The following NME9 variants were observed in gnomAD, a reference collection of about 807,000 sequenced individuals.
NME9 encodes the protein thioredoxin domain-containing protein 6.
Under a neutral mutation model 44.4 loss-of-function variants are expected in NME9, and 48 were observed. That is an observed-to-expected ratio of 1.08 (90% confidence interval 0.86 to 1.37). The LOEUF (loss-of-function observed/expected upper bound fraction) is 1.37, where lower values mean the gene tolerates loss of function less well. Ranked by LOEUF, NME9 falls within the 40% of genes most tolerant of loss-of-function variation. The pLI is 0.00. For synonymous variants in NME9, 139 were observed against 147.1 expected (o/e 0.94, Z 0.40); for missense variants, 325 against 405.2 (o/e 0.80, Z 1.70).
At chr3:138,294,551 A>C (rs2051286486) in intron 8 of NME9, among the ~76,000 whole-genome samples, 1 of 152,218 alleles carries the variant, frequency 6.6e-6, no homozygotes, top group Non-Finnish European at 1.5e-5. Context: ...GCAAGAATAC[A>C]CCTTAGTATA....
At chr3:138,284,150 G>C (rs1460922704) in intron 8 of NME9, among the ~76,000 whole-genome samples, 4 of 152,196 alleles carry the variant, frequency 2.6e-5, no homozygotes, top group African/African-American at 9.6e-5. Flanking sequence ...TGATTTGATA[G>C]TATGACCTAT....
chr3:138,301,560 A>T lies in NME9; in HGVS notation c.*80T>A. 1 of 1,518,648 alleles carries T rather than the reference A, an allele frequency of 6.6e-7. No homozygotes were observed. Among genetic ancestry groups the T allele is most frequent in the Non-Finnish European group, 8.8e-7 (1 of 1,139,484 alleles). 94.1% of individuals were successfully genotyped at this position (1,518,648 alleles called of 1,614,324 possible). On this transcript the variant is annotated 3_prime_UTR_variant, in exon 11 of 11. Transcript: ENST00000333911. ...TAAACCAAAAAGTATTGGTACTCAA[A>T]AGAGTAAGTTCCGATTCCGGAGGTC... is the stretch of plus-strand genomic sequence containing the variant.
intron 8 of NME9, among the ~76,000 whole-genome samples, chr3:138,295,078 T>G (rs1454402859): frequency 6.6e-6 from 1 of 152,122 alleles, no homozygotes; most frequent in Non-Finnish European, 1.5e-5. Context: ...TTTGTATTTT[T>G]GGTAGAAACA....
At chr3:138,274,680 A>T in intron 8 of NME9, 2 of 641,208 alleles carry the variant, frequency 3.1e-6, no homozygotes, top group Non-Finnish European at 2.7e-6. Context: ...AGGAAGAAAT[A>T]TCTTCCACCA....
At chr3:138,324,612 G>A in intron 2 of NME9, 1 of 575,214 alleles carries the variant, frequency 1.7e-6, no homozygotes, top group East Asian at 4.0e-5. Flanking sequence ...AATTAGAAGA[G>A]GTTTTCTGTT....
chr3:138,269,820 CTTTT>C (rs77095833), intron 8 of NME9, among the ~76,000 whole-genome samples: 5 of 121,694 alleles, frequency 4.1e-5, no homozygotes, highest in Non-Finnish European at 8.5e-5. Context: ...TGTTTTCTTT[CTTTT>C]TTTTTTTTTT....
intron 6 of NME9, among the ~76,000 whole-genome samples, chr3:138,312,415 A>G (rs2052763177): frequency 6.6e-6 from 1 of 152,190 alleles, no homozygotes; most frequent in African/African-American, 2.4e-5. Context: ...TAGCATAAAA[A>G]CAGACACAGA....
At chr3:138,298,238 A>T (rs1266769405), downstream of NME9, 1 of 152,220 alleles carries the variant, frequency 6.6e-6, no homozygotes, top group Non-Finnish European at 1.5e-5. Context: ...AAAATTTATG[A>T]ACTAGAAAAG....
chr3:138,303,017 G>C (rs568413443), intron 10 of NME9, among the ~76,000 whole-genome samples: 2 of 152,332 alleles, frequency 1.3e-5, no homozygotes, highest in East Asian at 3.9e-4. Flanking sequence ...TGAAGGGAAG[G>C]TCCTAAACAA....
chr3:138,274,633 G>T, intron 8 of NME9: 1 of 941,472 alleles, frequency 1.1e-6, no homozygotes, highest in Non-Finnish European at 1.7e-6. Flanking sequence ...CAAATCTGCA[G>T]AAGACAGAGT....
At chr3:138,304,818 C>T in intron 9 of NME9, 55 bp downstream of exon 9, 2 of 1,558,924 alleles carry the variant, frequency 1.3e-6, no homozygotes, top group Admixed American at 1.7e-5. Flanking sequence ...TGGGACTCAG[C>T]CTCCTGGGAT....
rs1184586941 is a variant in NME9, at chr3:138,329,283, T to C, written c.33+20A>G. The stretch of plus-strand genomic sequence containing the variant: ...CCGAGCCCAACCCAGAGCTGGAAGC[T>C]AGCGCCCCTTGAGGCTTACCTGCAG... On this transcript the variant is annotated intron_variant, in intron 1 of 10. Transcript: ENST00000333911. 8 of 1,534,506 alleles carry C rather than the reference T, an allele frequency of 5.2e-6. No homozygotes were observed. The highest frequency in any genetic ancestry group is 1.4e-5 in the African/African-American group (1 of 73,016).
intron 4 of NME9, 31 bp downstream of exon 4, chr3:138,318,117 C>A: frequency 7.4e-7 from 1 of 1,351,926 alleles, no homozygotes; most frequent in Non-Finnish European, 1.1e-6. Context: ...TTGCAATCGT[C>A]AAATAGTTCT....
intron 8 of NME9, among the ~76,000 whole-genome samples, chr3:138,287,418 G>A (rs1041698750): frequency 6.6e-6 from 1 of 152,036 alleles, no homozygotes; most frequent in Non-Finnish European, 1.5e-5. Flanking sequence ...GATCTGTTTT[G>A]TGCATTCCAC....
intron 4 of NME9, among the ~76,000 whole-genome samples, chr3:138,317,528 C>G (rs114774208): frequency 6.6e-6 from 1 of 152,168 alleles, no homozygotes; most frequent in Non-Finnish European, 1.5e-5. Flanking sequence ...GATGTCACAC[C>G]CAAGGACATC....
chr3:138,290,661 C>G (rs544831170), intron 8 of NME9: 3 of 1,528,850 alleles, frequency 2.0e-6, no homozygotes, highest in Non-Finnish European at 2.7e-6. Flanking sequence ...TGTGAAAAGG[C>G]CTTGCTTTGG....
intron 10 of NME9, chr3:138,303,248 G>T: frequency 2.8e-6 from 1 of 358,734 alleles, no homozygotes. Context: ...AGTACTTTTT[G>T]TAACAAAAAT....
At chr3:138,272,135 G>A (rs2048860403) in intron 8 of NME9, among the ~76,000 whole-genome samples, 1 of 152,186 alleles carries the variant, frequency 6.6e-6, no homozygotes, top group Non-Finnish European at 1.5e-5. Flanking sequence ...TGGTAGCTCA[G>A]ACACACCTCC....
At chr3:138,288,111 A>G (rs2050594709) in intron 8 of NME9, 1 of 158,502 alleles carries the variant, frequency 6.3e-6, no homozygotes, top group African/African-American at 2.4e-5. Flanking sequence ...GAGTAATTTA[A>G]TTATTCCAGA....
Sources: gnomAD v4.1 joint callset for allele counts (sites outside exome capture counted in the v4.1 genomes callset) on GRCh38, gnomAD v4.1.1 for gene constraint, MANE v1.5 for transcripts, NCBI Gene and HGNC (gene_info 2026-07-23, HGNC 2026-07-21) for gene names.